The following DICER1 variants were observed in gnomAD, a reference collection of about 807,000 sequenced individuals.
The protein encoded by DICER1 is dicer 1, ribonuclease III.
A neutral mutation model predicts 194.1 loss-of-function variants in DICER1; 43 were observed. That is an observed-to-expected ratio of 0.22 (90% confidence interval 0.17 to 0.29). DICER1 has a LOEUF of 0.29. Ranked by LOEUF, DICER1 falls within the 10% of genes least tolerant of loss-of-function variation. The pLI is 1.00. For synonymous variants in DICER1, 832 were observed against 820.5 expected (o/e 1.01, Z -0.24); for missense variants, 1,608 against 2,317.0 (o/e 0.69, Z 6.28).
Position 95,090,604 on chromosome 14 carries a change from C to T in DICER1, c.5663G>A (p.Gly1888Glu). The change falls in exon 27 of 27, where the codon GGG becomes GAG. Residue 1888 changes from glycine (G) to glutamate (E), a missense_variant. Physicochemically the swap from Gly to Glu is moderately conservative, Grantham distance 98 (BLOSUM62 -2). This residue lies in a region of DICER1 where 138 missense variants were observed against 298.3 expected (regional missense o/e 0.46). Coordinates refer to ENST00000343455, the MANE Select transcript of DICER1 (RefSeq NM_177438.3). ...ACTTCGACCAACACCTTTAAATTTC[C>T]CCTTTCCTACTACTTCCACAGTGAC... Reference protein sequence around the residue: ...VRVTVEVVGKGKFKGVGRSYR... With the variant: ...VRVTVEVVGKEKFKGVGRSYR... 6.2e-7 allele frequency: 1 copy of T among 1,614,172 alleles called. No homozygotes were observed.
chr14:95,113,133 G>C lies in DICER1; in HGVS notation c.1999C>G (p.Leu667Val). The C allele has an allele frequency of 6.2e-7, 1 of 1,613,872 alleles. No homozygotes were observed. Among genetic ancestry groups the C allele is most frequent in the Non-Finnish European group, 8.5e-7 (1 of 1,179,750 alleles). The change falls in exon 12 of 27, where the codon CTT (leucine) becomes GTT (valine). Residue 667 changes from leucine (L) to valine (V), a missense_variant. This residue lies in a region of DICER1 where 657 missense variants were observed against 910.1 expected (regional missense o/e 0.72). Transcript: ENST00000343455. ...ELPDGTFYST[L>V]YLPINSPLRA... ...AGAGGTGAGTTAATTGGCAGATAAAGAGTTGAATAAAATGTACCATCAGGC... is the reference window on the plus strand; with the variant it reads ...AGAGGTGAGTTAATTGGCAGATAAACAGTTGAATAAAATGTACCATCAGGC...
intron 11 of DICER1, 115 bp from the exon 12 acceptor site, chr14:95,113,339 ATG>A (rs1566785449): frequency 9.6e-7 from 1 of 1,040,308 alleles, no homozygotes; most frequent in Non-Finnish European, 1.5e-6. Context: ...TTGTATTTAT[ATG>A]TGGCATTTAA....
In DICER1 at chr14:95,124,381, G is replaced by A. The variant is rs780067844; in HGVS notation, c.1191C>T (p.Ser397=). ...GATTTCTATTATTATACCACTCAAC[G>A]CTTTCAAACTGCTGTCGCTCATATG... ...YKPYERQQFE[S]VEWYNNRNQD... Residue 397 remains serine, a synonymous_variant, in exon 8 of 27, where the codon AGC becomes AGT. Transcript: ENST00000343455. This position sits in a 1 kb window ranked among gnomAD's most constrained non-coding sequence, Gnocchi z 4.5. The A allele has an allele frequency of 8.7e-6, 14 of 1,614,016 alleles. No individual in the cohort carries two copies. The highest frequency in any genetic ancestry group is 1.1e-5 in the South Asian group (1 of 91,068).
chr14:95,121,094 C>T (rs1399764949), intron 8 of DICER1, among the ~76,000 whole-genome samples: 4 of 152,098 alleles, frequency 2.6e-5, no homozygotes, highest in Non-Finnish European at 4.4e-5. Flanking sequence ...TCTTCCATAT[C>T]CGATCACCCC....
At chr14:95,114,641 A>G (rs1384136423) in intron 11 of DICER1, among the ~76,000 whole-genome samples, 2 of 152,186 alleles carry the variant, frequency 1.3e-5, no homozygotes, top group East Asian at 1.9e-4. Flanking sequence ...GTATCTCCCC[A>G]TGAAATATCT....
chr14:95,138,992 A>G (rs1566823381), intron 1 of DICER1, among the ~76,000 whole-genome samples: 1 of 35,406 alleles, frequency 2.8e-5, no homozygotes, highest in Non-Finnish European at 6.3e-5. Flanking sequence ...TAAATAAAAA[A>G]ATAAAAAAAA....
chr14:95,103,228 C>T, intron 21 of DICER1, 118 bp downstream of exon 21: 1 of 1,154,928 alleles, frequency 8.7e-7, no homozygotes, highest in South Asian at 1.2e-5. Flanking sequence ...CTGTGCTTGG[C>T]CGGTGTAGCA....
intron 4 of DICER1, among the ~76,000 whole-genome samples, chr14:95,130,592 G>A (rs1893868765): frequency 6.6e-6 from 1 of 152,168 alleles, no homozygotes. Flanking sequence ...TGTTATTTTT[G>A]TAGCCTATCA....
chr14:95,133,192 G>C, intron 2 of DICER1, 123 bp downstream of exon 2: 1 of 966,316 alleles, frequency 1.0e-6, no homozygotes, highest in Admixed American at 2.0e-5. Flanking sequence ...TTTTAAATGA[G>C]AAAATTAATC....
At chr14:95,090,890 TCAA>T in intron 26 of DICER1, 141 bp downstream of exon 26, 1 of 972,914 alleles carries the variant, frequency 1.0e-6, no homozygotes, top group Non-Finnish European at 1.6e-6. Context: ...AAAAGAGAAG[TCAA>T]TCAGATTACA....
Position 95,133,220 on chromosome 14 carries a change from A to G in DICER1, c.144+95T>C, listed in dbSNP as rs1317553752. On this transcript the variant is annotated intron_variant, in intron 2 of 26. Transcript: ENST00000343455. Reference sequence around the variant, plus strand: ...AATTAATCAGAAGTGGGAGGCCTGAAAGGGTAAATGAGTTTTATATAAGTT... The same window carrying G: ...AATTAATCAGAAGTGGGAGGCCTGAGAGGGTAAATGAGTTTTATATAAGTT... 3.0e-6 allele frequency: 4 copies of G among 1,332,808 alleles called. No homozygotes were observed. The Admixed American group carries it at 6.9e-5, about 23-fold the overall frequency. 82.6% of individuals were successfully genotyped at this position (1,332,808 alleles called of 1,614,324 possible).
At chr14:95,095,317 A>G (rs1885905494) in intron 23 of DICER1, 1 of 183,950 alleles carries the variant, frequency 5.4e-6, no homozygotes, top group Non-Finnish European at 1.2e-5. Context: ...AGAAGATGAC[A>G]GCAGAGTCAC....
Position 95,087,803 on chromosome 14 carries a change from C to T in DICER1, c.*2695G>A, listed in dbSNP as rs760246677. ...ACACGCCTCCCCAGTCCTTTACACACGTGCTCAGGGCACAACCACACCCCA... is the reference window on the plus strand; with the variant it reads ...ACACGCCTCCCCAGTCCTTTACACATGTGCTCAGGGCACAACCACACCCCA... On this transcript the variant is annotated 3_prime_UTR_variant, in exon 27 of 27. Transcript: ENST00000343455. 2 of 233,252 alleles carry T rather than the reference C, an allele frequency of 8.6e-6. No individual in the cohort carries two copies. The highest frequency in any genetic ancestry group is 1.8e-4 in the South Asian group (1 of 5,530). 14.4% of individuals were successfully genotyped at this position (233,252 alleles called of 1,614,324 possible).
In DICER1 at chr14:95,129,922, T is replaced by C. The variant is rs1410061152; in HGVS notation, c.573+136A>G. On this transcript the variant is annotated intron_variant, in intron 5 of 26. Coordinates refer to ENST00000343455, the MANE Select transcript of DICER1 (RefSeq NM_177438.3). ...TAGATTTAAATGAACATTAATTTAATATTCATTCATTCATACACTGCAGCC... is the reference window on the plus strand; with the variant it reads ...TAGATTTAAATGAACATTAATTTAACATTCATTCATTCATACACTGCAGCC... The C allele has an allele frequency of 5.4e-6, 4 of 745,548 alleles. No homozygotes were observed. The East Asian group carries it at 8.1e-5, about 15-fold the overall frequency. The allele number at this position is 745,548 out of a possible 1,614,324, so 46.2% of individuals were successfully genotyped here.
At chr14:95,146,084 G>A (rs530861852) in intron 1 of DICER1, among the ~76,000 whole-genome samples, 5 of 152,356 alleles carry the variant, frequency 3.3e-5, no homozygotes, top group Non-Finnish European at 7.3e-5. Flanking sequence ...AAATGCTTAT[G>A]TTGAGAGCAG....
Position 95,087,901 on chromosome 14 carries a change from A to G in DICER1, c.*2597T>C, listed in dbSNP as rs1274180117. 8.6e-6 allele frequency: 2 copies of G among 233,070 alleles called. No individual in the cohort carries two copies. Among genetic ancestry groups the G allele is most frequent in the African/African-American group, 4.4e-5 (2 of 45,322 alleles). 14.4% of individuals were successfully genotyped at this position (233,070 alleles called of 1,614,324 possible). A position where few individuals can be genotyped will look rare whatever the true frequency, so the allele number is the denominator to read the frequency against. On this transcript the variant is annotated 3_prime_UTR_variant, in exon 27 of 27. Coordinates refer to ENST00000343455, the MANE Select transcript of DICER1 (RefSeq NM_177438.3). ...AACACAGGGTGGCACACAGGGCTCT[A>G]AAGTGGGGCAACATAGAGTGATTTT...
At chr14:95,137,004 T>C (rs1224275281) in intron 1 of DICER1, among the ~76,000 whole-genome samples, 2 of 151,206 alleles carry the variant, frequency 1.3e-5, no homozygotes, top group African/African-American at 4.9e-5. Flanking sequence ...TAAATCACTA[T>C]TATCACTTCC....
rs1479781558 is a variant in DICER1 at position 95,093,948 on chromosome 14, G to A, written c.5304C>T (p.Val1768=). The part of the protein sequence containing the change: ...FKAVSPELFH[V]IDDFVQFQLE... Reference sequence around the variant, plus strand: ...GCTGAAACTGCACAAAGTCATCAATGACATGGAAGAGCTCAGGAGAGACAG... The same window carrying A: ...GCTGAAACTGCACAAAGTCATCAATAACATGGAAGAGCTCAGGAGAGACAG... Residue 1768 remains valine, a synonymous_variant, in exon 24 of 27, where the codon GTC becomes GTT. Transcript: ENST00000343455. 6.2e-7 allele frequency: 1 copy of A among 1,614,108 alleles called. No homozygotes were observed.
intron 22 of DICER1, among the ~76,000 whole-genome samples, chr14:95,098,164 G>C (rs538403721): frequency 1.6e-4 from 25 of 152,186 alleles, no homozygotes; most frequent in Non-Finnish European, 3.7e-4. Context: ...AGTGCCTCTG[G>C]GTTTCAGATG....
Sources: allele counts gnomAD v4.1 joint callset (sites outside exome capture counted in the v4.1 genomes callset), GRCh38; gene constraint gnomAD v4.1.1; regional missense constraint gnomAD v4.1.1; non-coding constraint Gnocchi (gnomAD v3.1); transcripts MANE v1.5; gene names NCBI Gene and HGNC (gene_info 2026-07-23, HGNC 2026-07-21).